ABAT: variants seen among roughly 807,000 people sequenced by gnomAD.
ABAT encodes 4-aminobutyrate aminotransferase, mitochondrial.
In ABAT, 45 loss-of-function variants were observed where a neutral mutation model predicts 64.6. The observed-to-expected ratio is 0.70, with a 90% CI of 0.55 to 0.89. The LOEUF (loss-of-function observed/expected upper bound fraction) is 0.89, where lower values mean the gene tolerates loss of function less well. ABAT is among the 40% of genes least tolerant of loss of function. The pLI is 0.00. For synonymous variants in ABAT, 297 were observed against 250.5 expected, an observed-to-expected ratio of 1.19 and a Z score of -1.75; for missense variants, 633 against 658.4, an observed-to-expected ratio of 0.96 and a Z score of 0.42.
intron 1 of ABAT, among the ~76,000 whole-genome samples, chr16:8,711,853 G>A: frequency 6.8e-6 from 1 of 146,854 alleles, no homozygotes; most frequent in Admixed American, 7.0e-5. Flanking sequence ...GATGGATGGA[G>A]AGATGGAGGG....
At chr16:8,710,909 A>T (rs77338185) in intron 1 of ABAT, among the ~76,000 whole-genome samples, 1 of 152,188 alleles carries the variant, frequency 6.6e-6, no homozygotes. Flanking sequence ...GAAGACCGAC[A>T]TTTATTACAA....
chr16:8,744,235 G>A (rs1047867221), intron 2 of ABAT, among the ~76,000 whole-genome samples: 3 of 152,156 alleles, frequency 2.0e-5, no homozygotes, highest in African/African-American at 7.2e-5. Flanking sequence ...GGCTTTACAG[G>A]AAGCATGATG....
intron 2 of ABAT, among the ~76,000 whole-genome samples, chr16:8,738,746 G>C: frequency 6.6e-6 from 1 of 151,582 alleles, no homozygotes; most frequent in East Asian, 1.9e-4. Flanking sequence ...CCGGATTCAA[G>C]TGATCCTCCT....
rs1467312233 is a variant in ABAT, at chr16:8,782,492, C to T, written c.*1062C>T. ...GAATCATTGCTGGACTGGATTTCTTCTGGAGGGAAGCACCATGAATTAAAG... is the reference window on the plus strand; with the variant it reads ...GAATCATTGCTGGACTGGATTTCTTTTGGAGGGAAGCACCATGAATTAAAG... On this transcript the variant is annotated 3_prime_UTR_variant, in exon 16 of 16. Coordinates refer to ENST00000268251, the MANE Select transcript of ABAT (RefSeq NM_020686.6). 1 of 152,270 alleles carries T rather than the reference C, an allele frequency of 6.6e-6. No individual in the cohort carries two copies. Among genetic ancestry groups the T allele is most frequent in the Non-Finnish European group, 1.5e-5 (1 of 68,066 alleles). The allele number at this position is 152,270 out of a possible 1,614,324, so 9.4% of individuals were successfully genotyped here. A position where few individuals can be genotyped will look rare whatever the true frequency, so the allele number is the denominator to read the frequency against.
Position 8,750,454 on chromosome 16 carries a change from C to G in ABAT, c.231C>G (p.Tyr77Ter), listed in dbSNP as rs746154029. The G allele has an allele frequency of 1.2e-6, 2 of 1,614,136 alleles. No individual in the cohort carries two copies. Among genetic ancestry groups the G allele is most frequent in the Admixed American group, 1.7e-5 (1 of 60,010 alleles). Residue 77 changes from tyrosine to a stop codon, truncating the protein, a stop_gained, in exon 5 of 16, where the codon TAC becomes TAG. Coordinates refer to ENST00000268251, the MANE Select transcript of ABAT (RefSeq NM_020686.6). LOFTEE classifies it high-confidence loss of function. The stretch of plus-strand genomic sequence containing the variant: ...AGGCTGTGCATTTTTTCTGCAATTA[C>G]GAAGAGAGCCGAGGCAATTACCTGG... The part of the protein sequence containing the change: ...NAEAVHFFCN[Y>*]EESRGNYLVD...
chr16:8,763,554 T>G (rs1046741917), intron 6 of ABAT, among the ~76,000 whole-genome samples: 2 of 152,218 alleles, frequency 1.3e-5, no homozygotes, highest in African/African-American at 4.8e-5. Context: ...ACACTCTTTC[T>G]CTACTCCAAA....
intron 1 of ABAT, among the ~76,000 whole-genome samples, chr16:8,727,280 C>G (rs543250908): frequency 2.0e-5 from 3 of 152,248 alleles, no homozygotes; most frequent in Non-Finnish European, 2.9e-5. Flanking sequence ...GAAATTGTTG[C>G]TCGAGTTGGC....
At chr16:8,719,899 G>C (rs867643994) in intron 1 of ABAT, among the ~76,000 whole-genome samples, 1 of 152,170 alleles carries the variant, frequency 6.6e-6, no homozygotes, top group African/African-American at 2.4e-5. Context: ...GCAACATTCG[G>C]TTCTCAGGTT....
chr16:8,739,207 C>T (rs1050766890), intron 2 of ABAT, among the ~76,000 whole-genome samples: 2 of 152,204 alleles, frequency 1.3e-5, no homozygotes, highest in African/African-American at 2.4e-5. Context: ...GTGGCACCAT[C>T]TTTAAAGGTC....
At chr16:8,711,727 G>GATTGGATGGATGT in intron 1 of ABAT, among the ~76,000 whole-genome samples, 1 of 28,014 alleles carries the variant, frequency 3.6e-5, no homozygotes, top group Non-Finnish European at 1.1e-4. Context: ...TGGATGGGAA[G>GATTGGATGGATGT]ATGGATGGGT....
chr16:8,723,262 G>T (rs74250602), intron 1 of ABAT, among the ~76,000 whole-genome samples: 7,606 of 152,158 alleles, frequency 0.05, 414 homozygotes, highest in East Asian at 0.28. Flanking sequence ...AAGCCGAGAG[G>T]CTATTTAGGA....
chr16:8,699,046 C>A (rs1351978446), intron 1 of ABAT, among the ~76,000 whole-genome samples: 1 of 152,168 alleles, frequency 6.6e-6, no homozygotes, highest in Non-Finnish European at 1.5e-5. Flanking sequence ...GGGGTATGTA[C>A]CTAGGGGTGG....
rs897882540 is a variant in ABAT, at chr16:8,764,383, CAT to C, written c.447+237_447+238del. On this transcript the variant is annotated intron_variant, in intron 7 of 15. Coordinates refer to ENST00000268251, the MANE Select transcript of ABAT (RefSeq NM_020686.6). The surrounding 1 kb of genome is among the most constrained non-coding windows in gnomAD (Gnocchi z 4.2). ...TATGTGTCGCATGATAGGAGCCTTG[CAT>C]ATGTCATTCAATCCTGCCCCCACTT... is the stretch of plus-strand genomic sequence containing the variant. Among the ~76,000 whole-genome samples the C allele has an allele frequency of 2.6e-5, 4 of 152,162 alleles. No individual in the cohort carries two copies. Among genetic ancestry groups the C allele is most frequent in the African/African-American group, 9.7e-5 (4 of 41,446 alleles).
Position 8,768,371 on chromosome 16 carries a change from A to G in ABAT, c.667+115A>G. ...CATATTGTCCCACTGATTGCACACA[A>G]TCCCACTGCAGAGTGGGGATTATTA... On this transcript the variant is annotated intron_variant, in intron 10 of 15. Transcript: ENST00000268251. 6.1e-6 allele frequency: 6 copies of G among 985,122 alleles called. No individual in the cohort carries two copies. The South Asian group carries it at 8.0e-5, about 13-fold the overall frequency. 61.0% of individuals were successfully genotyped at this position (985,122 alleles called of 1,614,324 possible). A position where few individuals can be genotyped will look rare whatever the true frequency, so the allele number is the denominator to read the frequency against.
intron 9 of ABAT, 146 bp from the exon 10 acceptor site, chr16:8,768,047 C>G: frequency 1.2e-6 from 1 of 811,730 alleles, no homozygotes; most frequent in South Asian, 1.4e-5. Context: ...GGATATAGAC[C>G]CCATTGGTCC....
At chr16:8,721,736 C>G (rs563183311) in intron 1 of ABAT, among the ~76,000 whole-genome samples, 1 of 152,276 alleles carries the variant, frequency 6.6e-6, no homozygotes, top group Admixed American at 6.5e-5. Flanking sequence ...CCACTTTCAC[C>G]TGAATTCCTC....
At chr16:8,756,098 A>G (rs1486486982) in intron 5 of ABAT, among the ~76,000 whole-genome samples, 1 of 151,442 alleles carries the variant, frequency 6.6e-6, no homozygotes, top group African/African-American at 2.4e-5. Context: ...CTATAAACCC[A>G]GCTACTCCGG....
chr16:8,773,105 TACACACACACACAC>T (rs35248639), intron 12 of ABAT, among the ~76,000 whole-genome samples, 188 bp downstream of exon 12: 1,710 of 109,024 alleles, frequency 0.016, 50 homozygotes, highest in African/African-American at 0.054. Flanking sequence ...CCTAAAACTA[TACACACACACACAC>T]ACACACACAC....
intron 1 of ABAT, among the ~76,000 whole-genome samples, chr16:8,717,014 G>T (rs1031501064): frequency 2.0e-5 from 3 of 152,216 alleles, no homozygotes; most frequent in South Asian, 2.1e-4. Flanking sequence ...TGATGGCCGG[G>T]CACGGTAGCT....
Sources: gnomAD v4.1 joint callset for allele counts (sites outside exome capture counted in the v4.1 genomes callset) on GRCh38, gnomAD v4.1.1 for gene constraint, Gnocchi (gnomAD v3.1) non-coding constraint, MANE v1.5 for transcripts, NCBI Gene and HGNC (gene_info 2026-07-23, HGNC 2026-07-21) for gene names.